EED: variants seen among roughly 807,000 people sequenced by gnomAD.
The protein encoded by EED is embryonic ectoderm development.
EED carries 9 observed loss-of-function variants against 61.0 expected under a neutral mutation model. The ratio of observed to expected loss-of-function variants is 0.15; its 90% confidence interval spans 0.09 to 0.26. EED has a LOEUF of 0.26. EED is among the 10% of genes least tolerant of loss of function. The pLI, the probability that EED is intolerant of heterozygous loss-of-function variation, is 1.00. For missense variants in EED, 315 were observed against 542.3 expected (o/e 0.58, Z 4.16); for synonymous variants, 187 against 174.4 (o/e 1.07, Z -0.57).
intron 6 of EED, among the ~76,000 whole-genome samples, chr11:86,258,134 GAT>G (rs1945724146): frequency 6.6e-6 from 1 of 151,408 alleles, no homozygotes; most frequent in African/African-American, 2.4e-5. Flanking sequence ...TGTATGGACA[GAT>G]AGTGTTCTAA....
At chr11:86,256,795 C>T (rs902366938) in intron 5 of EED, among the ~76,000 whole-genome samples, 2 of 152,090 alleles carry the variant, frequency 1.3e-5, no homozygotes, top group Non-Finnish European at 2.9e-5. Flanking sequence ...TCTAAATGAA[C>T]AATAAGAGGG....
chr11:86,261,436 C>T (rs10792843), intron 6 of EED, among the ~76,000 whole-genome samples: 50,673 of 152,108 alleles, frequency 0.33, 9,285 homozygotes, highest in Non-Finnish European at 0.41. Flanking sequence ...ACGTGCAGCC[C>T]ACATAGCATC....
intron 9 of EED, chr11:86,270,131 G>A (rs1206238428): frequency 1.4e-6 from 1 of 700,890 alleles, no homozygotes; most frequent in Non-Finnish European, 2.6e-6. Flanking sequence ...GAGAGATCCA[G>A]TGTCTCCGAA....
Position 86,244,996 on chromosome 11 carries a change from A to C in EED, c.-234A>C. 4.8e-5 allele frequency: 20 copies of C among 416,390 alleles called. No homozygotes were observed. The highest frequency in any genetic ancestry group is 8.9e-5 in the East Asian group (2 of 22,352). 25.8% of individuals were successfully genotyped at this position (416,390 alleles called of 1,614,324 possible). On this transcript the variant is annotated 5_prime_UTR_variant, in exon 1 of 12. Coordinates refer to ENST00000263360, the MANE Select transcript of EED (RefSeq NM_003797.5). ...GGCAAGACGGGAGTTGGGGAAGGGA[A>C]GGAGCCAGGAAGCCGCGCGGGAGGG...
chr11:86,269,564 C>T (rs1373994530), intron 9 of EED, among the ~76,000 whole-genome samples: 3 of 152,094 alleles, frequency 2.0e-5, no homozygotes, highest in Non-Finnish European at 2.9e-5. Flanking sequence ...TTTTGACCTT[C>T]AAATAACTTG....
chr11:86,280,312 C>T (rs146995927), downstream of EED, among the ~76,000 whole-genome samples: 1 of 152,098 alleles, frequency 6.6e-6, no homozygotes, highest in African/African-American at 2.4e-5. Context: ...GCTAGAATAT[C>T]GAGTGTTAAA....
At chr11:86,252,361 TC>T (rs1945553695) in intron 3 of EED, 121 bp downstream of exon 3, 1 of 644,038 alleles carries the variant, frequency 1.6e-6, no homozygotes. Context: ...TATGATTCTT[TC>T]ATGTAAGAGT....
the EED span, among the ~76,000 whole-genome samples, chr11:86,286,971 C>CAAAAAA: frequency 2.3e-3 from 158 of 67,712 alleles, no homozygotes; most frequent in East Asian, 3.6e-3. Context: ...GACTCCGTCT[C>CAAAAAA]AAAAAAAAAA....
chr11:86,251,761 T>G (rs1158226603), intron 2 of EED, among the ~76,000 whole-genome samples: 1 of 152,220 alleles, frequency 6.6e-6, no homozygotes, highest in Non-Finnish European at 1.5e-5. Context: ...AGAGAAGCTA[T>G]TAAGGCCATC....
intron 1 of EED, 141 bp downstream of exon 1, chr11:86,245,484 T>A: frequency 1.4e-6 from 1 of 715,234 alleles, no homozygotes; most frequent in Non-Finnish European, 2.4e-6. Context: ...CGGGAGAAAA[T>A]TGAAATTGCC....
intron 10 of EED, 66 bp downstream of exon 10, chr11:86,277,204 T>C (rs1946254147): frequency 7.0e-7 from 1 of 1,418,608 alleles, no homozygotes; most frequent in South Asian, 1.5e-5. Flanking sequence ...TTCTAGCTTT[T>C]TCTGTTGTGT....
chr11:86,271,279 T>A (rs1395394904), intron 9 of EED, among the ~76,000 whole-genome samples: 1 of 152,240 alleles, frequency 6.6e-6, no homozygotes, highest in African/African-American at 2.4e-5. Context: ...AAGTATTTTT[T>A]AAGCAATTAT....
chr11:86,271,994 A>G (rs1300176647), intron 9 of EED, among the ~76,000 whole-genome samples: 14 of 86,284 alleles, frequency 1.6e-4, no homozygotes, highest in Non-Finnish European at 3.2e-4. Context: ...TACTGACTTT[A>G]TAATGAATTG....
intron 9 of EED, among the ~76,000 whole-genome samples, chr11:86,275,237 G>A (rs776326888): frequency 1.3e-5 from 2 of 152,128 alleles, no homozygotes; most frequent in Non-Finnish European, 2.9e-5. Flanking sequence ...ACTTTTAAGT[G>A]GACTTACAGG....
At position 86,277,117 on chromosome 11, in the gene EED, T is replaced by C. The variant is rs1946252181; in HGVS notation, c.1104T>C (p.Phe368=). The C allele has an allele frequency of 1.9e-6, 3 of 1,585,744 alleles. No individual in the cohort carries two copies. Among genetic ancestry groups the C allele is most frequent in the Non-Finnish European group, 2.6e-6 (3 of 1,160,870 alleles). Residue 368 remains phenylalanine, a synonymous_variant, in exon 10 of 12, where the codon TTT becomes TTC. Coordinates refer to ENST00000263360, the MANE Select transcript of EED (RefSeq NM_003797.5). ...YSQCDIWYMR[F]SMDFWQKMLA... is the part of the protein sequence containing the mutation. ...AGTGTGACATTTGGTACATGAGGTT[T>C]TCTATGGATTTCTGGCAAAAGGTAT...
rs545604750 is a variant in EED, at chr11:86,249,577, T to C, written c.115-719T>C. 3.3e-5 allele frequency among the ~76,000 whole-genome samples: 5 copies of C among 152,302 alleles called. No individual in the cohort carries two copies. The South Asian group carries it at 1.0e-3, about 32-fold the overall frequency. ...TGAGATAAGGTATGAATTAGGAGAATTTTCAAGGTTTCCTGCAGTCATTTC... is the reference window on the plus strand; with the variant it reads ...TGAGATAAGGTATGAATTAGGAGAACTTTCAAGGTTTCCTGCAGTCATTTC... On this transcript the variant is annotated intron_variant, in intron 1 of 11. Transcript: ENST00000263360.
chr11:86,263,906 C>A, intron 6 of EED: 1 of 384,928 alleles, frequency 2.6e-6, no homozygotes, highest in South Asian at 4.5e-5. Context: ...TAAATACCTC[C>A]CATTAGGCCC....
chr11:86,281,593 A>G (rs1228625008), downstream of EED, among the ~76,000 whole-genome samples: 1 of 152,136 alleles, frequency 6.6e-6, no homozygotes, highest in Non-Finnish European at 1.5e-5. Flanking sequence ...TTTTTGCTGC[A>G]TCCCATAAGT....
At chr11:86,274,693 C>T (rs1445904223) in intron 9 of EED, among the ~76,000 whole-genome samples, 1 of 152,106 alleles carries the variant, frequency 6.6e-6, no homozygotes, top group Non-Finnish European at 1.5e-5. Context: ...AATTACTGCC[C>T]CCCCTAGTGG....
Sources: allele counts gnomAD v4.1 joint callset (sites outside exome capture counted in the v4.1 genomes callset), GRCh38; gene constraint gnomAD v4.1.1; transcripts MANE v1.5; gene names NCBI Gene and HGNC (gene_info 2026-07-23, HGNC 2026-07-21).